The following ZBTB7C variants were observed in gnomAD, a reference collection of about 807,000 sequenced individuals.
The protein encoded by ZBTB7C is zinc finger and BTB domain containing 7C, also known as zinc finger and BTB domain-containing protein 7C.
Under a neutral mutation model 25.7 loss-of-function variants are expected in ZBTB7C, and 8 were observed. The ratio of observed to expected loss-of-function variants is 0.31; its 90% CI spans 0.18 to 0.56. The LOEUF (loss-of-function observed/expected upper bound fraction) is 0.56. ZBTB7C is among the 20% of genes least tolerant of loss of function. The probability of loss-of-function intolerance (pLI) is 0.91; values close to 1 mark genes in which losing one functional copy is unlikely to be tolerated. For synonymous variants in ZBTB7C, 394 were observed against 369.0 expected (o/e 1.07, Z -0.78); for missense variants, 824 against 855.2 (o/e 0.96, Z 0.46).
chr18:48,041,612 T>C (rs1568170075), intron 3 of ZBTB7C: 1 of 944,402 alleles, frequency 1.1e-6, no homozygotes. Flanking sequence ...CACTGGCTAC[T>C]AGGAAGCTTA....
intron 3 of ZBTB7C, among the ~76,000 whole-genome samples, chr18:48,156,042 G>A (rs1486722718): frequency 1.3e-5 from 2 of 152,212 alleles, no homozygotes; most frequent in Admixed American, 1.3e-4. Flanking sequence ...GAGACCTTAT[G>A]AAATGACTAA....
intron 2 of ZBTB7C, among the ~76,000 whole-genome samples, chr18:48,210,298 C>T (rs1165763309): frequency 1.3e-5 from 2 of 152,148 alleles, no homozygotes; most frequent in African/African-American, 4.8e-5. Flanking sequence ...ACCATATGAT[C>T]CAGAAATTTC....
intron 3 of ZBTB7C, among the ~76,000 whole-genome samples, chr18:48,122,351 A>AT (rs1471334406): frequency 2.6e-5 from 4 of 152,072 alleles, no homozygotes; most frequent in East Asian, 3.9e-4. Flanking sequence ...ATTGTTGGTC[A>AT]TTTTTTTCTC....
chr18:48,156,090 C>A (rs962759976), intron 3 of ZBTB7C, among the ~76,000 whole-genome samples: 2 of 152,182 alleles, frequency 1.3e-5, no homozygotes, highest in African/African-American at 4.8e-5. Context: ...TTATAACCCA[C>A]CTTGTTCCCA....
intron 3 of ZBTB7C, among the ~76,000 whole-genome samples, chr18:48,075,909 G>A (rs760403840): frequency 7.9e-5 from 12 of 152,130 alleles, no homozygotes; most frequent in Non-Finnish European, 1.6e-4. Flanking sequence ...CTCTGCTCTC[G>A]GGCTGAACAT....
At chr18:48,090,751 A>C (rs2038381649) in intron 3 of ZBTB7C, among the ~76,000 whole-genome samples, 2 of 152,218 alleles carry the variant, frequency 1.3e-5, no homozygotes, top group African/African-American at 4.8e-5. Context: ...TGCTGGACCC[A>C]GGCCAGACAG....
chr18:48,367,445 A>T (rs2047272797), intron 1 of ZBTB7C, among the ~76,000 whole-genome samples: 1 of 149,276 alleles, frequency 6.7e-6, no homozygotes, highest in Non-Finnish European at 1.5e-5. Context: ...CCTGGGAGAC[A>T]GCAGGATGGT....
At chr18:48,198,527 C>A (rs544271613) in intron 2 of ZBTB7C, among the ~76,000 whole-genome samples, 1 of 152,166 alleles carries the variant, frequency 6.6e-6, no homozygotes, top group Non-Finnish European at 1.5e-5. Flanking sequence ...GTTTCCTTGA[C>A]GTGTCCAGCT....
chr18:48,179,140 C>T (rs370249776), intron 3 of ZBTB7C, among the ~76,000 whole-genome samples: 3 of 152,336 alleles, frequency 2.0e-5, no homozygotes, highest in African/African-American at 7.2e-5. Context: ...CCAGCAGGAA[C>T]AAACCAATCT....
chr18:48,217,814 G>T (rs1052270252), intron 2 of ZBTB7C, among the ~76,000 whole-genome samples: 6 of 152,044 alleles, frequency 3.9e-5, no homozygotes, highest in Non-Finnish European at 5.9e-5. Flanking sequence ...GCCTTGGGTG[G>T]CCAGGGAACA....
At chr18:48,410,243 C>A (rs1426067534), upstream of ZBTB7C, among the ~76,000 whole-genome samples, 1 of 152,136 alleles carries the variant, frequency 6.6e-6, no homozygotes, top group Non-Finnish European at 1.5e-5. Context: ...CCCGGGGCGC[C>A]GAATCTCAGC....
intron 1 of ZBTB7C, among the ~76,000 whole-genome samples, chr18:48,371,490 G>T (rs1026438099): frequency 6.6e-6 from 1 of 152,192 alleles, no homozygotes; most frequent in Non-Finnish European, 1.5e-5. Flanking sequence ...AAATTTAAAC[G>T]AGAGCTCAAG....
chr18:48,195,898 G>T (rs1340481593), intron 2 of ZBTB7C, among the ~76,000 whole-genome samples: 1 of 151,916 alleles, frequency 6.6e-6, no homozygotes, highest in African/African-American at 2.4e-5. Context: ...TATTTAATTG[G>T]CTTGTATAAT....
At chr18:48,357,498 C>T (rs2047002738) in intron 1 of ZBTB7C, among the ~76,000 whole-genome samples, 1 of 152,232 alleles carries the variant, frequency 6.6e-6, no homozygotes. Flanking sequence ...CTGCTCAGCG[C>T]TCAGCGTCGT....
At chr18:48,227,431 C>G (rs2043134024) in intron 2 of ZBTB7C, among the ~76,000 whole-genome samples, 1 of 152,234 alleles carries the variant, frequency 6.6e-6, no homozygotes, top group Admixed American at 6.5e-5. Flanking sequence ...CTGCCGTCCT[C>G]TAGTCACTAA....
At chr18:48,373,771 T>C (rs1056459069) in intron 1 of ZBTB7C, among the ~76,000 whole-genome samples, 13 of 152,090 alleles carry the variant, frequency 8.5e-5, no homozygotes, top group East Asian at 3.9e-4. Context: ...ACCATCCTGG[T>C]AAACACGGTG....
chr18:48,089,490 AAAAAAG>A (rs1480268924), intron 3 of ZBTB7C, among the ~76,000 whole-genome samples: 1 of 151,804 alleles, frequency 6.6e-6, no homozygotes, highest in African/African-American at 2.4e-5. Context: ...AAAAAAAAAA[AAAAAAG>A]AAGAGTCAGG....
chr18:48,364,847 C>T (rs8083779), intron 1 of ZBTB7C, among the ~76,000 whole-genome samples: 17,341 of 152,126 alleles, frequency 0.11, 1,079 homozygotes, highest in East Asian at 0.16. Flanking sequence ...TGCCTTTTTC[C>T]GTTTAATTAT....
chr18:48,100,362 G>A (rs1041300895), intron 3 of ZBTB7C, among the ~76,000 whole-genome samples: 5 of 152,174 alleles, frequency 3.3e-5, no homozygotes, highest in African/African-American at 1.2e-4. Flanking sequence ...AGAGGAGGCT[G>A]GTTCTGCCAG....
Sources: gnomAD v4.1 joint callset for allele counts (sites outside exome capture counted in the v4.1 genomes callset) on GRCh38, gnomAD v4.1.1 for gene constraint, MANE v1.5 for transcripts, NCBI Gene and HGNC (gene_info 2026-07-23, HGNC 2026-07-21) for gene names.